The following ASCC1 variants were observed in gnomAD, a reference collection of about 807,000 sequenced individuals.
ASCC1 encodes activating signal cointegrator 1 complex subunit 1, also known as ASC-1 complex subunit P50.
Under a neutral mutation model 46.6 loss-of-function variants are expected in ASCC1, and 35 were observed. That is an observed-to-expected ratio of 0.75 (90% confidence interval 0.57 to 0.99). ASCC1 has a LOEUF of 0.99. Ranked by LOEUF, ASCC1 falls within the 50% of genes least tolerant of loss-of-function variation. The pLI is 0.00. For missense variants in ASCC1, 376 were observed against 428.7 expected (o/e 0.88, Z 1.09); for synonymous variants, 143 against 146.6 (o/e 0.98, Z 0.18).
At chr10:72,161,411 T>A in intron 6 of ASCC1, 127 bp downstream of exon 6, 1 of 1,192,016 alleles carries the variant, frequency 8.4e-7, no homozygotes, top group Non-Finnish European at 1.2e-6. Flanking sequence ...ATTGCCTGAG[T>A]GGGCTCCATC....
In ASCC1 at chr10:72,164,995, T is replaced by C. The variant is rs1053640302; in HGVS notation, c.490-3321A>G. 2.0e-5 allele frequency among the ~76,000 whole-genome samples: 3 copies of C among 152,334 alleles called. No homozygotes were observed. In the South Asian group the frequency reaches 6.2e-4, roughly 32 times the overall value. On this transcript the variant is annotated intron_variant, in intron 5 of 9. Coordinates refer to ENST00000672957, the MANE Select transcript of ASCC1 (RefSeq NM_001198800.3). ...CTTTTCATTGTTGAGTTTTAAGAAT[T>C]CTTTATAAATTATTGATAGTATACC...
chr10:72,137,278 C>A (rs1471555289), intron 7 of ASCC1, among the ~76,000 whole-genome samples: 1 of 151,670 alleles, frequency 6.6e-6, no homozygotes, highest in East Asian at 1.9e-4. Context: ...CCTGTAATCC[C>A]AGCACTTTGG....
chr10:72,105,450 G>A (rs1842242961), intron 9 of ASCC1, among the ~76,000 whole-genome samples: 1 of 152,144 alleles, frequency 6.6e-6, no homozygotes, highest in Admixed American at 6.5e-5. Context: ...CAAATAAATG[G>A]GGCACCCCCG....
chr10:72,140,704 T>A (rs907536210), intron 7 of ASCC1, among the ~76,000 whole-genome samples: 1 of 152,204 alleles, frequency 6.6e-6, no homozygotes, highest in African/African-American at 2.4e-5. Flanking sequence ...TAATTTTCAC[T>A]TCACCCATCT....
intron 7 of ASCC1, among the ~76,000 whole-genome samples, chr10:72,138,600 C>CTTTTTTTTT (rs1011535460): frequency 9.8e-4 from 102 of 104,510 alleles, no homozygotes; most frequent in South Asian, 1.8e-3. Context: ...TTCTTTCTTT[C>CTTTTTTTTT]TTTTTTTTTT....
intron 5 of ASCC1, among the ~76,000 whole-genome samples, chr10:72,192,791 G>A (rs1439893827): frequency 3.3e-5 from 5 of 152,146 alleles, no homozygotes; most frequent in South Asian, 2.1e-4. Flanking sequence ...ACTGCCCCCC[G>A]CCAAACAACC....
Position 72,176,028 on chromosome 10 carries a change from G to A in ASCC1, c.490-14354C>T, listed in dbSNP as rs572978941. ...ATTATAACAACAATAACATTCATTC[G>A]GCACTATGTGCCATGCTCTGCTCCA... On this transcript the variant is annotated intron_variant, in intron 5 of 9. Transcript: ENST00000672957. 5.1e-4 allele frequency among the ~76,000 whole-genome samples: 78 copies of A among 152,226 alleles called. No homozygotes were observed. The South Asian group carries it at 0.014, about 28-fold the overall frequency.
At chr10:72,190,597 T>C in intron 5 of ASCC1, 1 of 1,164,434 alleles carries the variant, frequency 8.6e-7, no homozygotes, top group Non-Finnish European at 1.2e-6. Context: ...GTTTGTAAAA[T>C]TCATACCTAA....
chr10:72,214,367 CT>C (rs970289326), intron 1 of ASCC1, among the ~76,000 whole-genome samples: 582 of 88,478 alleles, frequency 6.6e-3, no homozygotes, highest in African/African-American at 9.4e-3. Context: ...CACAATATCT[CT>C]TTTTTTTTTT....
intron 6 of ASCC1, among the ~76,000 whole-genome samples, chr10:72,158,148 G>A (rs542756496): frequency 2.0e-5 from 3 of 152,290 alleles, no homozygotes; most frequent in South Asian, 2.1e-4. Context: ...TATCAAGAGG[G>A]AGATGAAAGA....
rs187363016 is a variant in ASCC1, at chr10:72,205,280, G to A, written c.213-1756C>T. Among the ~76,000 whole-genome samples, 41 of 152,202 alleles carry A rather than the reference G, an allele frequency of 2.7e-4. 1 individual carries two copies. The East Asian group carries it at 4.0e-3, about 15-fold the overall frequency. On this transcript the variant is annotated intron_variant, in intron 3 of 9. Coordinates refer to ENST00000672957, the MANE Select transcript of ASCC1 (RefSeq NM_001198800.3). ...AGGTCAGGAGTTCAAGACCAGCCTG[G>A]CCAACATGGCGAAACCCTGTCTCTA... is the stretch of plus-strand genomic sequence containing the variant.
At chr10:72,191,459 A>G (rs773301053) in intron 5 of ASCC1, among the ~76,000 whole-genome samples, 10 of 152,010 alleles carry the variant, frequency 6.6e-5, no homozygotes, top group Non-Finnish European at 1.0e-4. Flanking sequence ...TATGTGGTAT[A>G]ATAGGTTTAA....
chr10:72,099,139 C>T (rs755316122), intron 9 of ASCC1, among the ~76,000 whole-genome samples: 3 of 152,208 alleles, frequency 2.0e-5, no homozygotes, highest in Non-Finnish European at 2.9e-5. Flanking sequence ...CTACCTTCTT[C>T]TCTTTGTGCC....
intron 6 of ASCC1, among the ~76,000 whole-genome samples, chr10:72,158,053 GA>G (rs545049583): frequency 6.6e-6 from 1 of 151,812 alleles, no homozygotes; most frequent in Non-Finnish European, 1.5e-5. Flanking sequence ...GTACTAAGAA[GA>G]AAAAAAATTA....
intron 5 of ASCC1, among the ~76,000 whole-genome samples, chr10:72,191,504 T>C (rs972000736): frequency 6.6e-6 from 1 of 151,886 alleles, no homozygotes; most frequent in Non-Finnish European, 1.5e-5. Flanking sequence ...AAGTATAGCA[T>C]GGACATACAT....
intron 5 of ASCC1, among the ~76,000 whole-genome samples, chr10:72,165,906 G>A (rs138978047): frequency 4.6e-5 from 7 of 152,236 alleles, no homozygotes; most frequent in African/African-American, 1.7e-4. Context: ...CAGCAATAAC[G>A]GTAATATTTG....
At chr10:72,154,799 A>G (rs1848759724) in intron 6 of ASCC1, among the ~76,000 whole-genome samples, 1 of 152,168 alleles carries the variant, frequency 6.6e-6, no homozygotes, top group Non-Finnish European at 1.5e-5. Flanking sequence ...GCCTATGCAT[A>G]GGGTTTTAAA....
intron 5 of ASCC1, among the ~76,000 whole-genome samples, chr10:72,178,926 A>AT (rs555145955): frequency 1.7e-4 from 25 of 150,644 alleles, no homozygotes; most frequent in Admixed American, 5.3e-4. Flanking sequence ...AATAATATCA[A>AT]TTTTTTTTTT....
At chr10:72,153,933 G>A (rs1423588316) in intron 6 of ASCC1, among the ~76,000 whole-genome samples, 3 of 151,960 alleles carry the variant, frequency 2.0e-5, no homozygotes, top group African/African-American at 7.3e-5. Flanking sequence ...TATTGGCCAG[G>A]GTGGTCTTAA....
Sources: allele counts gnomAD v4.1 joint callset (sites outside exome capture counted in the v4.1 genomes callset), GRCh38; gene constraint gnomAD v4.1.1; transcripts MANE v1.5; gene names NCBI Gene and HGNC (gene_info 2026-07-23, HGNC 2026-07-21).